The following ROR2 variants were observed in gnomAD, a reference collection of about 807,000 sequenced individuals.
ROR2 encodes tyrosine-protein kinase transmembrane receptor ROR2.
ROR2 carries 33 observed loss-of-function variants against 74.9 expected under a neutral mutation model. The ratio of observed to expected loss-of-function variants is 0.44; its 90% CI spans 0.33 to 0.59. The LOEUF is 0.59. Among genes scored for constraint, ROR2 ranks in the 20% least tolerant of loss-of-function variants. ROR2 has a pLI of 0.02. For synonymous variants in ROR2, 586 were observed against 558.7 expected (o/e 1.05, Z -0.69); for missense variants, 1,216 against 1,313.8 (o/e 0.93, Z 1.15).
chr9:91,823,181 G>C (rs1828185156), intron 1 of ROR2, among the ~76,000 whole-genome samples: 1 of 152,184 alleles, frequency 6.6e-6, no homozygotes, highest in Non-Finnish European at 1.5e-5. Flanking sequence ...GTAACCATTA[G>C]ACGATATCAT....
At chr9:91,804,294 A>G (rs1827481185) in intron 1 of ROR2, among the ~76,000 whole-genome samples, 1 of 152,196 alleles carries the variant, frequency 6.6e-6, no homozygotes, top group South Asian at 2.1e-4. Flanking sequence ...GTGTTCCAGC[A>G]ACCCTCTGAT....
chr9:91,918,135 G>T (rs1405272894), intron 1 of ROR2, among the ~76,000 whole-genome samples: 1 of 152,162 alleles, frequency 6.6e-6, no homozygotes, highest in African/African-American at 2.4e-5. Context: ...GTGCGTGGTG[G>T]CAGGCGCCTG....
Position 91,848,524 on chromosome 9 carries a change from G to T in ROR2, c.98-72706C>A, listed in dbSNP as rs1017157343. 1.8e-4 allele frequency among the ~76,000 whole-genome samples: 28 copies of T among 152,194 alleles called. 1 individual carries two copies. Among genetic ancestry groups the T allele is most frequent in the Admixed American group, 1.2e-3 (18 of 15,286 alleles). On this transcript the variant is annotated intron_variant, in intron 1 of 8. Transcript: ENST00000375708. ...GCCTGTAATCCCAGAACTTTAGGAG[G>T]CCGAGTTGGGTGGATCACCTGAGGT...
intron 5 of ROR2, among the ~76,000 whole-genome samples, chr9:91,735,710 G>A (rs1234128400): frequency 7.4e-6 from 1 of 135,562 alleles, no homozygotes; most frequent in Non-Finnish European, 1.5e-5. Flanking sequence ...TCCACCTCTC[G>A]GGTTTAAGTG....
intron 4 of ROR2, among the ~76,000 whole-genome samples, chr9:91,743,524 T>A (rs1360213057): frequency 1.3e-5 from 2 of 151,758 alleles, no homozygotes; most frequent in African/African-American, 4.8e-5. Context: ...TGAGCCAAGA[T>A]CATGCCATTG....
intron 1 of ROR2, among the ~76,000 whole-genome samples, chr9:91,887,897 T>C (rs1405629243): frequency 1.4e-5 from 2 of 142,378 alleles, no homozygotes; most frequent in Non-Finnish European, 3.0e-5. Context: ...GTTGAAGCAA[T>C]TCTCCTGCCT....
chr9:91,798,235 G>C (rs1052885183), intron 1 of ROR2, among the ~76,000 whole-genome samples: 1 of 123,906 alleles, frequency 8.1e-6, no homozygotes, highest in African/African-American at 3.2e-5. Context: ...TCTGTGGGTG[G>C]GGCTGACACC....
chr9:91,775,717 G>A (rs772699238), intron 2 of ROR2, 24 bp downstream of exon 2: 1 of 1,609,470 alleles, frequency 6.2e-7, no homozygotes, highest in South Asian at 1.1e-5. Flanking sequence ...AGGACATGGA[G>A]AGCACCTGCA....
chr9:91,724,723 CG>C lies in ROR2; in HGVS notation c.1770del (p.Asp591ThrfsTer32). 1 of 1,614,132 alleles carries C rather than the reference CG, an allele frequency of 6.2e-7. No individual in the cohort carries two copies. Among genetic ancestry groups the C allele is most frequent in the Non-Finnish European group, 8.5e-7 (1 of 1,180,044 alleles). On this transcript the variant is annotated frameshift_variant, in exon 9 of 9. Transcript: ENST00000375708. LOFTEE classifies it high-confidence loss of function. ...DRTVKSALEP[P>X]DFVHLVAQIA... Reference sequence around the variant, plus strand: ...ATCTGTGCCACAAGGTGCACGAAGTCGGGGGGCTCCAGGGCGGACTTCACCG... The same window carrying C: ...ATCTGTGCCACAAGGTGCACGAAGTCGGGGGCTCCAGGGCGGACTTCACCG...
intron 1 of ROR2, among the ~76,000 whole-genome samples, chr9:91,919,449 C>G (rs1247366648): frequency 6.6e-6 from 1 of 152,234 alleles, no homozygotes; most frequent in African/African-American, 2.4e-5. Context: ...ACAAATTCCT[C>G]GCTGTCTCCG....
chr9:91,781,061 T>C (rs1232311950), intron 1 of ROR2, among the ~76,000 whole-genome samples: 1 of 152,258 alleles, frequency 6.6e-6, no homozygotes, highest in Non-Finnish European at 1.5e-5. Context: ...CTTACTGTGA[T>C]GCAATTAGAT....
intron 1 of ROR2, among the ~76,000 whole-genome samples, chr9:91,902,490 G>T (rs1200017415): frequency 6.6e-6 from 1 of 152,008 alleles, no homozygotes; most frequent in Non-Finnish European, 1.5e-5. Flanking sequence ...GTTCCCGATG[G>T]GGAGCTGGGT....
intron 1 of ROR2, among the ~76,000 whole-genome samples, chr9:91,898,044 A>T (rs550472765): frequency 1.3e-5 from 2 of 152,204 alleles, no homozygotes; most frequent in Non-Finnish European, 2.9e-5. Flanking sequence ...ACACACCCCG[A>T]GAACCCCTCG....
At chr9:91,852,559 A>G (rs556278343) in intron 1 of ROR2, among the ~76,000 whole-genome samples, 1 of 151,910 alleles carries the variant, frequency 6.6e-6, no homozygotes, top group South Asian at 2.1e-4. Flanking sequence ...TCTTCACACC[A>G]GGGAACTTGA....
chr9:91,794,864 G>A (rs1215093919), intron 1 of ROR2, among the ~76,000 whole-genome samples: 3 of 152,176 alleles, frequency 2.0e-5, no homozygotes, highest in Non-Finnish European at 2.9e-5. Flanking sequence ...GCTCATACCT[G>A]TAATCCCAGC....
At chr9:91,926,612 G>A (rs1359037823) in intron 1 of ROR2, among the ~76,000 whole-genome samples, 4 of 151,672 alleles carry the variant, frequency 2.6e-5, no homozygotes, top group Non-Finnish European at 5.9e-5. Flanking sequence ...CATAAACATG[G>A]GATACATTTT....
chr9:91,860,468 T>C (rs1829437906), intron 1 of ROR2, among the ~76,000 whole-genome samples: 1 of 152,126 alleles, frequency 6.6e-6, no homozygotes, highest in South Asian at 2.1e-4. Context: ...CAATAGGATG[T>C]ACATATGGAA....
chr9:91,906,891 G>A (rs954077442), intron 1 of ROR2, among the ~76,000 whole-genome samples: 1 of 152,064 alleles, frequency 6.6e-6, no homozygotes, highest in Non-Finnish European at 1.5e-5. Context: ...TTCTAATTGT[G>A]GTAAACAGTA....
At chr9:91,773,520 C>T (rs772361118) in intron 2 of ROR2, among the ~76,000 whole-genome samples, 19 of 152,222 alleles carry the variant, frequency 1.2e-4, no homozygotes, top group African/African-American at 2.9e-4. Context: ...GATACTGGAA[C>T]GTTTTAGATT....
Sources: gnomAD v4.1 joint callset for allele counts (sites outside exome capture counted in the v4.1 genomes callset) on GRCh38, gnomAD v4.1.1 for gene constraint, MANE v1.5 for transcripts, NCBI Gene and HGNC (gene_info 2026-07-23, HGNC 2026-07-21) for gene names.